The following TMX3 variants were observed in gnomAD, a reference collection of about 807,000 sequenced individuals.
TMX3 encodes protein disulfide-isomerase TMX3.
A neutral mutation model predicts 64.4 loss-of-function variants in TMX3; 40 were observed. The observed-to-expected ratio is 0.62, with a 90% CI of 0.48 to 0.81. The LOEUF is 0.81. Among genes scored for constraint, TMX3 ranks in the 30% least tolerant of loss-of-function variants. The pLI is 0.00. For missense variants in TMX3, 497 were observed against 534.5 expected (o/e 0.93, Z 0.69); for synonymous variants, 189 against 175.7 (o/e 1.08, Z -0.60).
intron 14 of TMX3, 128 bp from the exon 15 acceptor site, chr18:68,679,659 A>T: frequency 1.4e-6 from 1 of 701,860 alleles, no homozygotes; most frequent in South Asian, 2.0e-5. Context: ...TGAAAAGGCC[A>T]TGTGGTAAAC....
intron 10 of TMX3, chr18:68,687,202 A>AGCTTT: frequency 2.0e-6 from 2 of 985,436 alleles, no homozygotes; most frequent in Non-Finnish European, 2.4e-6. Context: ...GGCTTCTTAC[A>AGCTTT]GCTTTCATTT....
chr18:68,710,780 A>G (rs758079821), intron 3 of TMX3, among the ~76,000 whole-genome samples: 3 of 152,222 alleles, frequency 2.0e-5, no homozygotes, highest in Non-Finnish European at 4.4e-5. Context: ...ACTTTATACT[A>G]TGAAAATGTT....
intron 8 of TMX3, among the ~76,000 whole-genome samples, chr18:68,695,975 C>T (rs1456364473): frequency 1.3e-5 from 2 of 152,066 alleles, no homozygotes; most frequent in Admixed American, 6.5e-5. Context: ...CAGGTGTGTT[C>T]GCATTTTGGA....
At chr18:68,712,450 C>T (rs1284375648) in intron 2 of TMX3, among the ~76,000 whole-genome samples, 1 of 152,146 alleles carries the variant, frequency 6.6e-6, no homozygotes, top group African/African-American at 2.4e-5. Flanking sequence ...TTCCATGAGC[C>T]ATCTCTTGTG....
intron 2 of TMX3, 85 bp from the exon 3 acceptor site, chr18:68,711,488 A>T: frequency 1.0e-6 from 1 of 965,316 alleles, no homozygotes; most frequent in Admixed American, 2.8e-5. Context: ...ATACATTGAT[A>T]AATATAAGGG....
At chr18:68,702,440 G>C (rs1452050901) in intron 4 of TMX3, among the ~76,000 whole-genome samples, 1 of 152,030 alleles carries the variant, frequency 6.6e-6, no homozygotes, top group Non-Finnish European at 1.5e-5. Context: ...ATCATCTTCT[G>C]CAGGGAAAGG....
At chr18:68,683,197 C>G (rs749637079) in intron 12 of TMX3, among the ~76,000 whole-genome samples, 4 of 151,970 alleles carry the variant, frequency 2.6e-5, no homozygotes, top group Non-Finnish European at 5.9e-5. Context: ...TACAAATACA[C>G]GAGTAGAGGA....
chr18:68,677,672 T>G (rs958437249), intron 15 of TMX3, among the ~76,000 whole-genome samples: 1 of 152,204 alleles, frequency 6.6e-6, no homozygotes, highest in African/African-American at 2.4e-5. Context: ...ATTGACTTAC[T>G]AATTTCCCTC....
intron 7 of TMX3, chr18:68,697,694 C>G (rs905860686): frequency 9.0e-6 from 4 of 444,678 alleles, no homozygotes; most frequent in African/African-American, 6.0e-5. Flanking sequence ...AGGTTAATAA[C>G]AGAAAAAAAT....
In TMX3 at chr18:68,715,025, A is replaced by C. The variant is rs760790303; in HGVS notation, c.-44T>G. On this transcript the variant is annotated 5_prime_UTR_variant, in exon 1 of 16. Coordinates refer to ENST00000299608, the MANE Select transcript of TMX3 (RefSeq NM_019022.5). ...CAGAAGCTGACTGTGCAAAAGAGGG[A>C]TAAAGACACTGGGGTCCGCCGCCTG... 6.4e-7 allele frequency: 1 copy of C among 1,553,984 alleles called. No homozygotes were observed. Among genetic ancestry groups the C allele is most frequent in the Non-Finnish European group, 8.7e-7 (1 of 1,149,126 alleles).
chr18:68,676,874 CAATA>C lies in TMX3; in HGVS notation c.*55_*58del, dbSNP rs1404015706. On this transcript the variant is annotated 3_prime_UTR_variant, in exon 16 of 16. Transcript: ENST00000299608. ...AAGATCATGATTAAATGTCTAAATT[CAATA>C]AATAGACTCTTTAATAATTTGAAGT... 2 of 1,543,294 alleles carry C rather than the reference CAATA, an allele frequency of 1.3e-6. No individual in the cohort carries two copies. Among genetic ancestry groups the C allele is most frequent in the African/African-American group, 1.4e-5 (1 of 72,032 alleles).
chr18:68,691,700 G>C (rs1914541228), intron 8 of TMX3, among the ~76,000 whole-genome samples: 1 of 152,158 alleles, frequency 6.6e-6, no homozygotes, highest in African/African-American at 2.4e-5. Context: ...TTACCTAGGG[G>C]AGTCTGCTTC....
At chr18:68,684,943 C>T (rs1011099359) in intron 10 of TMX3, among the ~76,000 whole-genome samples, 1 of 152,086 alleles carries the variant, frequency 6.6e-6, no homozygotes, top group Admixed American at 6.6e-5. Context: ...TTTACATGGC[C>T]GTTGACTTTG....
chr18:68,711,316 T>C, intron 3 of TMX3, 48 bp downstream of exon 3: 1 of 1,454,420 alleles, frequency 6.9e-7, no homozygotes, highest in Non-Finnish European at 9.4e-7. Flanking sequence ...AAAATAATAC[T>C]TAAAATGGTA....
intron 4 of TMX3, among the ~76,000 whole-genome samples, chr18:68,705,418 T>A (rs1453123173): frequency 6.6e-6 from 1 of 152,148 alleles, no homozygotes; most frequent in African/African-American, 2.4e-5. Flanking sequence ...CAAAAAGAGT[T>A]TATAATCTAG....
chr18:68,699,661 A>G (rs563068966), intron 6 of TMX3, among the ~76,000 whole-genome samples: 55 of 152,334 alleles, frequency 3.6e-4, no homozygotes, highest in Middle Eastern at 6.8e-3. Context: ...TAAAGCCAAT[A>G]AAGATTAACA....
intron 8 of TMX3, 99 bp downstream of exon 8, chr18:68,697,127 A>G (rs1915167873): frequency 5.8e-6 from 4 of 689,618 alleles, no homozygotes; most frequent in Admixed American, 3.1e-5. Flanking sequence ...ATTAAAATCA[A>G]TAATTTAATC....
intron 15 of TMX3, among the ~76,000 whole-genome samples, chr18:68,677,549 A>G (rs1000932321): frequency 6.6e-5 from 10 of 152,112 alleles, no homozygotes; most frequent in African/African-American, 2.2e-4. Flanking sequence ...CCTGAACCAC[A>G]GGAATCTGCT....
chr18:68,708,021 ATATGTG>A (rs1345966732), intron 4 of TMX3, among the ~76,000 whole-genome samples: 33 of 128,654 alleles, frequency 2.6e-4, no homozygotes, highest in African/African-American at 1.4e-3. Flanking sequence ...ATATGTGTAT[ATATGTG>A]TATATGTGTA....
Sources: gnomAD v4.1 joint callset for allele counts (sites outside exome capture counted in the v4.1 genomes callset) on GRCh38, gnomAD v4.1.1 for gene constraint, MANE v1.5 for transcripts, NCBI Gene and HGNC (gene_info 2026-07-23, HGNC 2026-07-21) for gene names.